The following METAP1 variants were observed in gnomAD, a reference collection of about 807,000 sequenced individuals.
METAP1 encodes methionine aminopeptidase 1.
Under a neutral mutation model 53.8 loss-of-function variants are expected in METAP1, and 28 were observed. The ratio of observed to expected loss-of-function variants is 0.52; its 90% CI spans 0.39 to 0.71. METAP1 has a LOEUF of 0.71. METAP1 is among the 30% of genes least tolerant of loss of function. The pLI, the probability that METAP1 is intolerant of heterozygous loss-of-function variation, is 0.00. For missense variants in METAP1, 389 were observed against 479.8 expected, an observed-to-expected ratio of 0.81 and a Z score of 1.77; for synonymous variants, 181 against 165.7, an observed-to-expected ratio of 1.09 and a Z score of -0.71.
rs1225493943 is a variant in METAP1, at chr4:98,995,780, C to T, written c.27C>T (p.Cys9=). The change falls in exon 1 of 11, where the codon TGC becomes TGT. Residue 9 remains cysteine (C), a synonymous_variant. Transcript: ENST00000296411. MAAVETRV[C]ETDGCSSEAK... ...TGGCGGCCGTGGAGACGCGGGTGTG[C>T]GAGACAGACGGCTGCAGCAGTGAGG... The T allele has an allele frequency of 6.5e-7, 1 of 1,545,532 alleles. No homozygotes were observed. Among genetic ancestry groups the T allele is most frequent in the Non-Finnish European group, 8.7e-7 (1 of 1,144,264 alleles).
intron 1 of METAP1, among the ~76,000 whole-genome samples, chr4:99,010,133 ATTC>A (rs2110285349): frequency 6.6e-6 from 1 of 152,310 alleles, no homozygotes; most frequent in East Asian, 1.9e-4. Context: ...TGAAGAGACT[ATTC>A]TTTGCCTGTT....
At chr4:99,003,410 C>T (rs754806683) in intron 1 of METAP1, among the ~76,000 whole-genome samples, 10 of 152,224 alleles carry the variant, frequency 6.6e-5, no homozygotes, top group East Asian at 1.9e-4. Flanking sequence ...ATGTAAGTTC[C>T]GTTAGGTTTT....
intron 10 of METAP1, among the ~76,000 whole-genome samples, chr4:99,060,537 G>A (rs924394334): frequency 5.3e-5 from 8 of 151,692 alleles, no homozygotes; most frequent in African/African-American, 1.9e-4. Context: ...GTGATTTTTT[G>A]TATTTTTAGT....
rs767490955 is a variant in METAP1 at position 99,048,795 on chromosome 4, G to T, written c.850G>T (p.Gly284Trp). 2 of 1,613,838 alleles carry T rather than the reference G, an allele frequency of 1.2e-6. No homozygotes were observed. Among genetic ancestry groups the T allele is most frequent in the African/African-American group, 2.7e-5 (2 of 74,896 alleles). ...NIIQKHAQAN[G>W]FSVVRSYCGH... ...TATCCAGAAGCATGCCCAAGCAAAT[G>T]GGTTTTCAGTTGTTCGAAGCTATTG... The change falls in exon 9 of 11, where the codon GGG becomes TGG. Residue 284 changes from glycine (G) to tryptophan (W), a missense_variant. By Grantham distance (184) the Gly-to-Trp change is radical. Coordinates refer to ENST00000296411, the MANE Select transcript of METAP1 (RefSeq NM_015143.3).
chr4:99,046,598 T>G (rs1265038535), intron 8 of METAP1, among the ~76,000 whole-genome samples: 2 of 152,188 alleles, frequency 1.3e-5, no homozygotes, highest in Non-Finnish European at 2.9e-5. Context: ...AGGACAGAGT[T>G]CTTAGACAAA....
intron 1 of METAP1, 115 bp downstream of exon 1, chr4:98,995,982 CG>C (rs989611685): frequency 1.2e-6 from 1 of 830,578 alleles, no homozygotes; most frequent in African/African-American, 1.8e-5. Context: ...CTCTTCCCCC[CG>C]GCCGCGTTTC....
chr4:99,024,204 A>G (rs891243350), intron 1 of METAP1, among the ~76,000 whole-genome samples: 1 of 152,092 alleles, frequency 6.6e-6, no homozygotes. Context: ...TGCAGCCCCC[A>G]GTCACGTACC....
intron 1 of METAP1, 25 bp downstream of exon 1, chr4:98,995,892 A>T: frequency 6.6e-7 from 1 of 1,512,990 alleles, no homozygotes; most frequent in Non-Finnish European, 8.9e-7. Context: ...CCCCGCGGAT[A>T]TGCCGCCGCT....
rs114260973 is a variant in METAP1, at chr4:99,043,131, C to T, written c.517-118C>T. The T allele has an allele frequency of 1.6e-3, 1,160 of 726,110 alleles. 2 individuals carry two copies. The highest frequency in any genetic ancestry group is 2.2e-3 in the Non-Finnish European group (1,022 of 456,860). 45.0% of individuals were successfully genotyped at this position (726,110 alleles called of 1,614,324 possible). A position where few individuals can be genotyped will look rare whatever the true frequency, so the allele number is the denominator to read the frequency against. On this transcript the variant is annotated intron_variant, in intron 6 of 10. Transcript: ENST00000296411. ...CCAGTACTGTTACTAAAATAAAATA[C>T]TGAGTTCTTCATAGTAGCATGTGTC...
intron 2 of METAP1, among the ~76,000 whole-genome samples, chr4:99,032,060 CAA>C (rs1404449837): frequency 6.6e-6 from 1 of 152,166 alleles, no homozygotes; most frequent in Non-Finnish European, 1.5e-5. Context: ...AGGCTCAGAT[CAA>C]ATTGATCCTA....
intron 1 of METAP1, among the ~76,000 whole-genome samples, chr4:99,021,215 C>T (rs137901644): frequency 6.6e-6 from 1 of 152,308 alleles, no homozygotes; most frequent in Non-Finnish European, 1.5e-5. Flanking sequence ...TTTCTCTCAA[C>T]CACAGTCATT....
intron 1 of METAP1, among the ~76,000 whole-genome samples, chr4:98,996,756 G>C (rs2110266537): frequency 6.6e-6 from 1 of 152,290 alleles, no homozygotes; most frequent in South Asian, 2.1e-4. Context: ...TGCATTTCGA[G>C]ACCCAGGATG....
At chr4:99,002,601 T>G (rs1054669370) in intron 1 of METAP1, among the ~76,000 whole-genome samples, 2 of 152,184 alleles carry the variant, frequency 1.3e-5, no homozygotes, top group African/African-American at 4.8e-5. Context: ...TGCATGTGTG[T>G]GTGGGGCACC....
intron 2 of METAP1, chr4:99,031,361 T>G (rs1725008761): frequency 9.9e-7 from 1 of 1,009,870 alleles, no homozygotes; most frequent in East Asian, 6.1e-5. Flanking sequence ...CTCATTTTCC[T>G]GAAGTAAAGG....
intron 2 of METAP1, among the ~76,000 whole-genome samples, chr4:99,033,924 G>A (rs531496427): frequency 4.1e-4 from 62 of 152,240 alleles, no homozygotes; most frequent in Non-Finnish European, 8.4e-4. Flanking sequence ...ATTTAGAAAA[G>A]CTGTCTATGA....
At chr4:99,025,189 G>A (rs539062923) in intron 1 of METAP1, among the ~76,000 whole-genome samples, 2 of 152,338 alleles carry the variant, frequency 1.3e-5, no homozygotes, top group Admixed American at 1.3e-4. Flanking sequence ...GGGGACCCCT[G>A]TTTTAAACTA....
At chr4:99,040,205 T>A (rs2110364617) in intron 5 of METAP1, among the ~76,000 whole-genome samples, 1 of 152,304 alleles carries the variant, frequency 6.6e-6, no homozygotes, top group South Asian at 2.1e-4. Flanking sequence ...CATCATAACA[T>A]AGGACAGAGT....
At chr4:99,035,121 C>T (rs1002397794) in intron 3 of METAP1, among the ~76,000 whole-genome samples, 1 of 152,120 alleles carries the variant, frequency 6.6e-6, no homozygotes, top group Non-Finnish European at 1.5e-5. Context: ...TTGTTGTTAG[C>T]TTGCCAATTT....
intron 1 of METAP1, chr4:99,023,437 A>T: frequency 1.1e-6 from 1 of 932,108 alleles, no homozygotes; most frequent in Non-Finnish European, 1.3e-6. Context: ...ATCTTGATAC[A>T]TACAAATCCT....
Sources: allele counts gnomAD v4.1 joint callset (sites outside exome capture counted in the v4.1 genomes callset), GRCh38; gene constraint gnomAD v4.1.1; transcripts MANE v1.5; gene names NCBI Gene and HGNC (gene_info 2026-07-23, HGNC 2026-07-21).